The following DPYD variants were observed in gnomAD, a reference collection of about 807,000 sequenced individuals.
The protein encoded by DPYD is dihydropyrimidine dehydrogenase.
DPYD carries 109 observed loss-of-function variants against 116.2 expected under a neutral mutation model. The observed-to-expected ratio is 0.94, with a 90% confidence interval of 0.80 to 1.10. The LOEUF is 1.10. DPYD is among the 50% of genes least tolerant of loss of function. The pLI is 0.00. For synonymous variants in DPYD, 440 were observed against 432.0 expected, an observed-to-expected ratio of 1.02 and a Z score of -0.23; for missense variants, 1,302 against 1,254.5, an observed-to-expected ratio of 1.04 and a Z score of -0.57.
intron 16 of DPYD, among the ~76,000 whole-genome samples, chr1:97,347,518 G>A: frequency 6.6e-6 from 1 of 151,888 alleles, no homozygotes; most frequent in East Asian, 1.9e-4. Context: ...CTTTTAATAT[G>A]TTGCTGGATT....
At chr1:97,535,665 T>C (rs537277202) in intron 12 of DPYD, among the ~76,000 whole-genome samples, 11 of 152,168 alleles carry the variant, frequency 7.2e-5, no homozygotes, top group Non-Finnish European at 1.5e-4. Flanking sequence ...TTGGAACCTA[T>C]ACAAAGTCAA....
At chr1:97,896,425 G>A (rs537040371) in intron 1 of DPYD, among the ~76,000 whole-genome samples, 2 of 151,898 alleles carry the variant, frequency 1.3e-5, no homozygotes, top group African/African-American at 4.8e-5. Flanking sequence ...TCTCACCGAT[G>A]ATGTGCATGT....
intron 8 of DPYD, among the ~76,000 whole-genome samples, chr1:97,618,673 C>T (rs1656449190): frequency 6.6e-6 from 1 of 152,124 alleles, no homozygotes; most frequent in South Asian, 2.1e-4. Context: ...AGCAGCATTG[C>T]TATAGATGAC....
intron 19 of DPYD, among the ~76,000 whole-genome samples, chr1:97,227,331 C>CAAAA (rs60992225): frequency 0.014 from 369 of 25,502 alleles, no homozygotes; most frequent in Non-Finnish European, 0.019. Context: ...GACTCTATCT[C>CAAAA]AAAAAAAAAA....
chr1:97,161,985 G>A (rs1020104007), intron 20 of DPYD, among the ~76,000 whole-genome samples: 1 of 151,734 alleles, frequency 6.6e-6, no homozygotes, highest in African/African-American at 2.4e-5. Flanking sequence ...TGGACATTTG[G>A]GTTGGTTCCA....
At chr1:97,835,851 G>A (rs900200176) in intron 2 of DPYD, among the ~76,000 whole-genome samples, 1 of 151,952 alleles carries the variant, frequency 6.6e-6, no homozygotes, top group African/African-American at 2.4e-5. Flanking sequence ...ACTTAATCTT[G>A]ACAAGAGGGA....
At chr1:97,360,115 C>T (rs1670640316) in intron 16 of DPYD, among the ~76,000 whole-genome samples, 2 of 151,584 alleles carry the variant, frequency 1.3e-5, no homozygotes, top group South Asian at 4.2e-4. Context: ...GGAAGATCTA[C>T]CAAGCAAATG....
chr1:97,686,772 C>A (rs1660759576), intron 7 of DPYD, among the ~76,000 whole-genome samples: 1 of 151,070 alleles, frequency 6.6e-6, no homozygotes, highest in Admixed American at 6.6e-5. Context: ...ATCAAAAGCA[C>A]CTGCACAAAA....
chr1:97,595,885 G>A lies in DPYD; in HGVS notation c.851-719C>T, dbSNP rs372244061. On this transcript the variant is annotated intron_variant, in intron 8 of 22. Transcript: ENST00000370192. ...AACTGCAAATTAAAAGAATAAAATT[G>A]TAACTTCTCTATAAAAAGAAAAATA... Among the ~76,000 whole-genome samples, 26 of 151,960 alleles carry A rather than the reference G, an allele frequency of 1.7e-4. No homozygotes were observed. The East Asian group carries it at 1.9e-3, about 11-fold the overall frequency.
In DPYD at chr1:97,635,361, G is replaced by A. The variant is rs188505865; in HGVS notation, c.851-40195C>T. Among the ~76,000 whole-genome samples, 193 of 152,114 alleles carry A rather than the reference G, an allele frequency of 1.3e-3. 2 individuals are homozygous for A. Among genetic ancestry groups the A allele is most frequent in the Non-Finnish European group, 2.2e-3 (148 of 67,984 alleles). On this transcript the variant is annotated intron_variant, in intron 8 of 22. Transcript: ENST00000370192. ...CTTAGTGTTCCATCCCTAGAGTGAC[G>A]TGTCTACATACCAAGAGCTAGGGGT...
intron 13 of DPYD, among the ~76,000 whole-genome samples, chr1:97,463,260 T>G (rs1457823899): frequency 2.0e-5 from 3 of 152,188 alleles, no homozygotes; most frequent in Non-Finnish European, 4.4e-5. Flanking sequence ...GATGTTCTCA[T>G]GATAGTGAAT....
intron 13 of DPYD, among the ~76,000 whole-genome samples, chr1:97,474,406 G>T (rs535391989): frequency 3.3e-5 from 5 of 152,110 alleles, no homozygotes; most frequent in Non-Finnish European, 7.4e-5. Context: ...CAGGTGTTCT[G>T]TCAGACATAT....
At chr1:97,174,321 A>C (rs80103417) in intron 20 of DPYD, among the ~76,000 whole-genome samples, 2,502 of 152,152 alleles carry the variant, frequency 0.016, 64 homozygotes, top group African/African-American at 0.057. Context: ...ACCTAATCAA[A>C]TTTTCCATCT....
chr1:97,490,808 T>C (rs960617870), intron 13 of DPYD, among the ~76,000 whole-genome samples: 3 of 145,624 alleles, frequency 2.1e-5, no homozygotes, highest in East Asian at 2.0e-4. Flanking sequence ...TGTAATACTA[T>C]TGCCCTGAAA....
intron 1 of DPYD, among the ~76,000 whole-genome samples, chr1:97,894,145 C>A (rs1672928741): frequency 6.6e-6 from 1 of 151,752 alleles, no homozygotes; most frequent in African/African-American, 2.4e-5. Context: ...AGGTAAGAAT[C>A]CTTTTCCCTC....
At chr1:97,511,310 A>T (rs1647779652) in intron 13 of DPYD, among the ~76,000 whole-genome samples, 1 of 152,020 alleles carries the variant, frequency 6.6e-6, no homozygotes, top group South Asian at 2.1e-4. Flanking sequence ...TAAGCACTGA[A>T]TATAGGGTAT....
chr1:97,161,678 G>A (rs928248486), intron 20 of DPYD, among the ~76,000 whole-genome samples: 7 of 147,146 alleles, frequency 4.8e-5, no homozygotes, highest in African/African-American at 1.0e-4. Flanking sequence ...CCATTAACTT[G>A]TCATTTAGCA....
At chr1:97,483,192 T>C (rs1678419203) in intron 13 of DPYD, among the ~76,000 whole-genome samples, 1 of 152,246 alleles carries the variant, frequency 6.6e-6, no homozygotes, top group African/African-American at 2.4e-5. Flanking sequence ...GATCCCAGAC[T>C]GCCCTGAAGG....
At chr1:97,594,938 G>T in intron 9 of DPYD, 121 bp downstream of exon 9, 1 of 676,686 alleles carries the variant, frequency 1.5e-6, no homozygotes, top group South Asian at 1.8e-5. Context: ...TTTACATTTG[G>T]GTCTTAGGCA....
Sources: allele counts gnomAD v4.1 joint callset (sites outside exome capture counted in the v4.1 genomes callset), GRCh38; gene constraint gnomAD v4.1.1; transcripts MANE v1.5; gene names NCBI Gene and HGNC (gene_info 2026-07-23, HGNC 2026-07-21).